Variants in ERC2 observed in about 807,000 individuals in gnomAD.
ERC2 encodes ERC protein 2.
ERC2 carries 42 observed loss-of-function variants against 114.8 expected under a neutral mutation model. The observed-to-expected ratio is 0.37, with a 90% confidence interval of 0.29 to 0.47. ERC2 has a LOEUF of 0.47. Ranked by LOEUF, ERC2 falls within the 20% of genes least tolerant of loss-of-function variation. The probability of loss-of-function intolerance (pLI) is 0.99; values close to 1 mark genes in which losing one functional copy is unlikely to be tolerated. For synonymous variants in ERC2, 454 were observed against 425.5 expected (o/e 1.07, Z -0.82); for missense variants, 939 against 1,150.7 (o/e 0.82, Z 2.66).
intron 3 of ERC2, among the ~76,000 whole-genome samples, chr3:56,277,257 T>C (rs960240841): frequency 6.6e-6 from 1 of 152,194 alleles, no homozygotes; most frequent in African/African-American, 2.4e-5. Flanking sequence ...CTTATTTGTC[T>C]TAAACAGAGA....
intron 17 of ERC2, among the ~76,000 whole-genome samples, chr3:55,633,950 C>T (rs1384893255): frequency 6.6e-6 from 1 of 152,160 alleles, no homozygotes; most frequent in Non-Finnish European, 1.5e-5. Context: ...TGCCCACCTC[C>T]CACATGGCCT....
At chr3:56,057,206 C>A (rs1406282303) in intron 7 of ERC2, among the ~76,000 whole-genome samples, 1 of 152,114 alleles carries the variant, frequency 6.6e-6, no homozygotes, top group Non-Finnish European at 1.5e-5. Flanking sequence ...CCATCTCAAC[C>A]ATTTTTAAGT....
At chr3:55,639,828 A>G (rs2060102338) in intron 17 of ERC2, among the ~76,000 whole-genome samples, 1 of 152,200 alleles carries the variant, frequency 6.6e-6, no homozygotes, top group South Asian at 2.1e-4. Context: ...TTCATTTCTA[A>G]TAAAATTAAC....
intron 17 of ERC2, among the ~76,000 whole-genome samples, chr3:55,677,066 C>T (rs1443802337): frequency 6.6e-6 from 1 of 152,164 alleles, no homozygotes; most frequent in African/African-American, 2.4e-5. Context: ...AGTCCATCAC[C>T]CTTGAGAGCA....
chr3:56,158,228 G>A (rs1186654981), intron 4 of ERC2, among the ~76,000 whole-genome samples: 1 of 152,260 alleles, frequency 6.6e-6, no homozygotes, highest in African/African-American at 2.4e-5. Context: ...GAGAGCCAGT[G>A]GGGACAAGTG....
chr3:55,644,558 G>A (rs1193675448), intron 17 of ERC2, among the ~76,000 whole-genome samples: 1 of 152,028 alleles, frequency 6.6e-6, no homozygotes, highest in Non-Finnish European at 1.5e-5. Flanking sequence ...TGCCCCATAT[G>A]GTCACTGTCA....
chr3:55,836,133 G>A (rs1392970098), intron 14 of ERC2, among the ~76,000 whole-genome samples: 1 of 151,718 alleles, frequency 6.6e-6, no homozygotes, highest in Admixed American at 6.6e-5. Flanking sequence ...AACATTCCAT[G>A]CTCCTGGGTA....
At chr3:56,447,303 T>C (rs1434843321) in intron 1 of ERC2, among the ~76,000 whole-genome samples, 1 of 152,236 alleles carries the variant, frequency 6.6e-6, no homozygotes, top group Non-Finnish European at 1.5e-5. Context: ...CCTTGTGGCA[T>C]CAAGATGTAA....
chr3:56,137,940 G>A (rs1210570160), intron 6 of ERC2, among the ~76,000 whole-genome samples: 1 of 151,598 alleles, frequency 6.6e-6, no homozygotes, highest in Non-Finnish European at 1.5e-5. Context: ...CCTCAAAGGA[G>A]ATAGAAGCCA....
At chr3:55,715,363 G>A (rs1360359492) in intron 15 of ERC2, among the ~76,000 whole-genome samples, 3 of 152,152 alleles carry the variant, frequency 2.0e-5, no homozygotes, top group Non-Finnish European at 4.4e-5. Context: ...GTCTTTTCAA[G>A]TTGAGAGAGT....
intron 3 of ERC2, among the ~76,000 whole-genome samples, chr3:56,262,562 T>C (rs1351919212): frequency 6.6e-6 from 1 of 152,332 alleles, no homozygotes; most frequent in Admixed American, 6.5e-5. Flanking sequence ...AGATATTCCA[T>C]CATGGTAGCT....
chr3:56,139,742 C>T (rs745672016), intron 5 of ERC2, 66 bp from the exon 6 acceptor site: 8 of 1,470,950 alleles, frequency 5.4e-6, no homozygotes, highest in African/African-American at 2.8e-5. Flanking sequence ...CATTGGACAA[C>T]TACTGATTTC....
intron 2 of ERC2, among the ~76,000 whole-genome samples, chr3:56,300,542 G>C (rs2055802901): frequency 6.6e-6 from 1 of 152,112 alleles, no homozygotes; most frequent in African/African-American, 2.4e-5. Flanking sequence ...AAAGAGAAGA[G>C]AAACTGTAAA....
intron 17 of ERC2, among the ~76,000 whole-genome samples, chr3:55,575,009 T>C (rs1309904101): frequency 2.6e-5 from 4 of 152,176 alleles, no homozygotes; most frequent in Middle Eastern, 6.8e-3. Flanking sequence ...GTGCACTTTC[T>C]TTCTTTCTTT....
chr3:56,175,612 A>G (rs2082933919), intron 3 of ERC2, among the ~76,000 whole-genome samples: 6 of 152,142 alleles, frequency 3.9e-5, no homozygotes, highest in Admixed American at 2.0e-4. Flanking sequence ...AGAAGATGTT[A>G]TGTGTGGTGA....
intron 17 of ERC2, among the ~76,000 whole-genome samples, chr3:55,531,597 A>G (rs1249079538): frequency 6.6e-6 from 1 of 152,214 alleles, no homozygotes; most frequent in Non-Finnish European, 1.5e-5. Context: ...AGATGATGAA[A>G]GGTGACCTGG....
At chr3:55,676,950 C>T (rs1321097871) in intron 17 of ERC2, among the ~76,000 whole-genome samples, 1 of 152,158 alleles carries the variant, frequency 6.6e-6, no homozygotes, top group Non-Finnish European at 1.5e-5. Flanking sequence ...CATATCTAAG[C>T]CAACATGCAT....
chr3:55,918,317 G>A (rs2065223059), intron 13 of ERC2, among the ~76,000 whole-genome samples: 1 of 152,028 alleles, frequency 6.6e-6, no homozygotes, highest in Non-Finnish European at 1.5e-5. Context: ...AAATAAAAAG[G>A]TGGGGGCAGG....
In ERC2 at chr3:56,273,259, TTTC is replaced by T. The variant is rs201906338; in HGVS notation, c.1074+22757_1074+22759del. 3.3e-3 allele frequency among the ~76,000 whole-genome samples: 260 copies of T among 78,858 alleles called. 15 individuals carry two copies. Among genetic ancestry groups the T allele is most frequent in the Middle Eastern group, 8.2e-3 (1 of 122 alleles). 51.7% of individuals were successfully genotyped at this position (78,858 alleles called of 152,430 possible). A position where few individuals can be genotyped will look rare whatever the true frequency, so the allele number is the denominator to read the frequency against. The stretch of plus-strand genomic sequence containing the variant: ...AAGGACACCTCCCACTTTTTTTTTC[TTTC>T]TTTTTTTTTTTTTTTTGGTGACAGG... On this transcript the variant is annotated intron_variant, in intron 3 of 17. Coordinates refer to ENST00000288221, the MANE Select transcript of ERC2 (RefSeq NM_015576.3).
Sources: allele counts gnomAD v4.1 joint callset (sites outside exome capture counted in the v4.1 genomes callset), GRCh38; gene constraint gnomAD v4.1.1; transcripts MANE v1.5; gene names NCBI Gene and HGNC (gene_info 2026-07-23, HGNC 2026-07-21).